Variants in CFAP74 observed in about 807,000 individuals in gnomAD.
CFAP74 encodes the protein cilia and flagella associated protein 74, also known as cilia- and flagella-associated protein 74.
CFAP74 carries 124 observed loss-of-function variants against 188.9 expected under a neutral mutation model. The ratio of observed to expected loss-of-function variants is 0.66; its 90% confidence interval spans 0.57 to 0.76. The LOEUF (loss-of-function observed/expected upper bound fraction) is 0.76, where lower values mean the gene tolerates loss of function less well. Ranked by LOEUF, CFAP74 falls within the 30% of genes least tolerant of loss-of-function variation. The probability of loss-of-function intolerance (pLI) is 0.00; values close to 1 mark genes in which losing one functional copy is unlikely to be tolerated. For synonymous variants in CFAP74, 956 were observed against 916.7 expected (o/e 1.04, Z -0.77); for missense variants, 2,198 against 2,165.2 (o/e 1.02, Z -0.30).
At chr1:1,924,052 TC>T in intron 34 of CFAP74, 123 bp from the exon 35 acceptor site, 2 of 821,314 alleles carry the variant, frequency 2.4e-6, no homozygotes, top group Non-Finnish European at 3.3e-6. Context: ...TCCTGCCCGG[TC>T]CCCCCAATGG....
At position 1,926,950 on chromosome 1, in the gene CFAP74, A is replaced by C; in HGVS notation, c.3606T>G (p.Cys1202Trp). ...CTTTGATGTCGCCACTGGCAACAAC[A>C]CAGGGAACTACAAATGTGTCAAACT... is the stretch of plus-strand genomic sequence containing the variant. ...QAKFDTFVVP[C>W]VVASGDIKDR... The change falls in exon 29 of 39, where the codon TGT becomes TGG. Residue 1202 changes from cysteine to tryptophan, a missense_variant. Coordinates refer to ENST00000682832, the MANE Select transcript of CFAP74 (RefSeq NM_001304360.2). 2 of 1,550,252 alleles carry C rather than the reference A, an allele frequency of 1.3e-6. No individual in the cohort carries two copies. Among genetic ancestry groups the C allele is most frequent in the Non-Finnish European group, 1.7e-6 (2 of 1,146,882 alleles).
intron 21 of CFAP74, 106 bp downstream of exon 21, chr1:1,944,225 C>A (rs902348142): frequency 1.4e-6 from 2 of 1,470,398 alleles, no homozygotes; most frequent in Admixed American, 4.2e-5. Flanking sequence ...GCGTGGGTCA[C>A]CCCGTGTGCG....
At chr1:1,967,693 G>A (rs1470407242) in intron 11 of CFAP74, among the ~76,000 whole-genome samples, 2 of 152,160 alleles carry the variant, frequency 1.3e-5, no homozygotes, top group East Asian at 1.9e-4. Flanking sequence ...GCAGGGCATC[G>A]GTTGCAGCAG....
rs1657387362 is a variant in CFAP74 at position 1,988,650 on chromosome 1, A to G, written c.158T>C (p.Val53Ala). Residue 53 changes from valine to alanine, a missense_variant, in exon 4 of 39, where the codon GTG becomes GCG. Physicochemically the swap from Val to Ala is moderately conservative, Grantham distance 64. Coordinates refer to ENST00000682832, the MANE Select transcript of CFAP74 (RefSeq NM_001304360.2). The part of the protein sequence containing the change: ...DDVDPGHSSS[V>A]KELDTDADKL... ...ATCAGCATCAGTATCTAGTTCTTTC[A>G]CTGAGCTTAGGATGAAAAGGACGTC... 2.5e-6 allele frequency: 4 copies of G among 1,607,396 alleles called. No homozygotes were observed. Among genetic ancestry groups the G allele is most frequent in the Non-Finnish European group, 3.4e-6 (4 of 1,179,912 alleles).
chr1:1,985,413 C>G lies in CFAP74; in HGVS notation c.473G>C (p.Arg158Thr). The G allele has an allele frequency of 6.2e-7, 1 of 1,614,122 alleles. No individual in the cohort carries two copies. The highest frequency in any genetic ancestry group is 8.5e-7 in the Non-Finnish European group (1 of 1,180,022). Reference protein sequence around the residue: ...ELENERDLQSRTEAVLKESEN... With the variant: ...ELENERDLQSTTEAVLKESEN... ...GCTCTCCTTCAGCACGGCCTCAGTC[C>G]TCGACTGCAGGTCTCTCTCGTTCTC... is the stretch of plus-strand genomic sequence containing the variant. The change falls in exon 6 of 39, where the codon AGG becomes ACG. Residue 158 changes from arginine (R) to threonine (T), a missense_variant. Arg to Thr is a moderately conservative substitution (Grantham distance 71, BLOSUM62 -1). Coordinates refer to ENST00000682832, the MANE Select transcript of CFAP74 (RefSeq NM_001304360.2).
intron 12 of CFAP74, 152 bp from the exon 13 acceptor site, chr1:1,965,213 G>T: frequency 1.3e-6 from 1 of 748,170 alleles, no homozygotes; most frequent in Non-Finnish European, 2.1e-6. Context: ...GAGCCCCATG[G>T]CCCGGGGAGT....
intron 1 of CFAP74, among the ~76,000 whole-genome samples, chr1:1,993,948 C>T (rs529287069): frequency 6.6e-6 from 1 of 151,062 alleles, no homozygotes; most frequent in South Asian, 2.1e-4. Context: ...CACCACTGCA[C>T]TCCAGCCTGG....
At position 1,969,498 on chromosome 1, in the gene CFAP74, C is replaced by A. The variant is rs77481863; in HGVS notation, c.1047-665G>T. On this transcript the variant is annotated intron_variant, in intron 10 of 38. Transcript: ENST00000682832. ...CTGCCCGGCCCAGCCCTGCCCACTT[C>A]GCAGCCCAGTCCCCCAGCAGCCTTG... Among the ~76,000 whole-genome samples, 858 of 149,206 alleles carry A rather than the reference C, an allele frequency of 5.8e-3. 27 individuals are homozygous for A. In the East Asian group the frequency reaches 0.089, roughly 15 times the overall value.
intron 11 of CFAP74, among the ~76,000 whole-genome samples, chr1:1,967,840 A>T (rs61775058): frequency 0.22 from 33,150 of 152,148 alleles, 3,814 homozygotes; most frequent in East Asian, 0.26. Context: ...AACTGAAGCC[A>T]GTTGCCTGCA....
At chr1:1,989,427 C>T (rs1188760582) in intron 2 of CFAP74, among the ~76,000 whole-genome samples, 2 of 152,216 alleles carry the variant, frequency 1.3e-5, no homozygotes, top group Non-Finnish European at 2.9e-5. Flanking sequence ...GTTCCTTCTG[C>T]TCATCCACCC....
At chr1:1,963,449 T>A (rs1570926598) in intron 14 of CFAP74, among the ~76,000 whole-genome samples, 1 of 73,312 alleles carries the variant, frequency 1.4e-5, no homozygotes, top group African/African-American at 6.1e-5. Context: ...AGAGCAAGAC[T>A]CCATCTCAAA....
chr1:1,926,194 G>A lies in CFAP74; in HGVS notation c.3948+34C>T, dbSNP rs41315322. 532 of 1,474,974 alleles carry A rather than the reference G, an allele frequency of 3.6e-4. 1 individual carries two copies. Among genetic ancestry groups the A allele is most frequent in the Non-Finnish European group, 4.6e-4 (514 of 1,109,840 alleles). The allele number at this position is 1,474,974 out of a possible 1,614,324, so 91.4% of individuals were successfully genotyped here. A position where few individuals can be genotyped will look rare whatever the true frequency, so the allele number is the denominator to read the frequency against. Reference sequence around the variant, plus strand: ...TGTTCTGCAGTGTGGGGAGCCTTGGGCCGCAGTGTGGCCAGGGTGGGCCTG... The same window carrying A: ...TGTTCTGCAGTGTGGGGAGCCTTGGACCGCAGTGTGGCCAGGGTGGGCCTG... On this transcript the variant is annotated intron_variant, in intron 32 of 38. Transcript: ENST00000682832.
chr1:1,969,631 TC>T (rs1655784770), intron 10 of CFAP74, among the ~76,000 whole-genome samples: 1 of 152,148 alleles, frequency 6.6e-6, no homozygotes, highest in African/African-American at 2.4e-5. Flanking sequence ...CAGCTGCACT[TC>T]CCGGGTGCCT....
intron 14 of CFAP74, among the ~76,000 whole-genome samples, chr1:1,960,577 G>A (rs1429146157): frequency 6.6e-6 from 1 of 152,218 alleles, no homozygotes; most frequent in African/African-American, 2.4e-5. Context: ...TCAGGGTGAG[G>A]GAGCATCTCC....
intron 18 of CFAP74, 137 bp downstream of exon 18, chr1:1,955,554 T>A (rs1021520194): frequency 8.1e-6 from 13 of 1,611,362 alleles, no homozygotes; most frequent in Admixed American, 3.3e-5. Context: ...TTTTCTTGCT[T>A]AACCGTCACT....
intron 33 of CFAP74, among the ~76,000 whole-genome samples, chr1:1,924,910 C>G (rs546439156): frequency 1.2e-4 from 19 of 152,384 alleles, no homozygotes; most frequent in African/African-American, 4.6e-4. Flanking sequence ...GGCTCTGCCT[C>G]CAGGACCCGC....
intron 1 of CFAP74, among the ~76,000 whole-genome samples, chr1:1,992,315 C>T (rs780610344): frequency 1.4e-4 from 21 of 151,946 alleles, no homozygotes; most frequent in South Asian, 2.1e-4. Context: ...ACGCACATGC[C>T]GCCATGCCCA....
In CFAP74 at chr1:1,970,677, T is replaced by C; in HGVS notation, c.1028A>G (p.Glu343Gly). The change falls in exon 10 of 39, where the codon GAG becomes GGG. Residue 343 changes from glutamate to glycine, a missense_variant. Physicochemically the swap from Glu to Gly is moderately conservative, Grantham distance 98. Coordinates refer to ENST00000682832, the MANE Select transcript of CFAP74 (RefSeq NM_001304360.2). ...RHLVHQRRRQ[E>G]LEAQKRAFEE... ...CCCTCACCTCTTCTGGGCCTCCAGCTCCTGGCGCCGGCGCTGGTGGACAAG... is the reference window on the plus strand; with the variant it reads ...CCCTCACCTCTTCTGGGCCTCCAGCCCCTGGCGCCGGCGCTGGTGGACAAG... 6.2e-7 allele frequency: 1 copy of C among 1,611,006 alleles called. No individual in the cohort carries two copies. The highest frequency in any genetic ancestry group is 8.5e-7 in the Non-Finnish European group (1 of 1,178,802).
chr1:1,948,172 A>T (rs1003219919), intron 18 of CFAP74, among the ~76,000 whole-genome samples: 1 of 151,930 alleles, frequency 6.6e-6, no homozygotes, highest in African/African-American at 2.4e-5. Context: ...TGCCCGGCCA[A>T]GGGTCCCCGG....
Sources: gnomAD v4.1 joint callset for allele counts (sites outside exome capture counted in the v4.1 genomes callset) on GRCh38, gnomAD v4.1.1 for gene constraint, MANE v1.5 for transcripts, NCBI Gene and HGNC (gene_info 2026-07-23, HGNC 2026-07-21) for gene names.